The following VPS37D variants were observed in gnomAD, a reference collection of about 807,000 sequenced individuals.
VPS37D encodes vacuolar protein sorting-associated protein 37D.
In VPS37D, 5 loss-of-function variants were observed where a neutral mutation model predicts 22.0. The ratio of observed to expected loss-of-function variants is 0.23; its 90% CI spans 0.12 to 0.48. The LOEUF (loss-of-function observed/expected upper bound fraction) is 0.48. Among genes scored for constraint, VPS37D ranks in the 20% least tolerant of loss-of-function variants. VPS37D has a pLI of 0.99. For synonymous variants in VPS37D, 174 were observed against 159.3 expected (o/e 1.09, Z -0.69); for missense variants, 384 against 345.8 (o/e 1.11, Z -0.88).
intron 2 of VPS37D, 104 bp downstream of exon 2, chr7:73,669,694 G>A (rs1222379164): frequency 1.0e-5 from 14 of 1,406,104 alleles, no homozygotes; most frequent in East Asian, 2.6e-5. Flanking sequence ...GGAGTTGGGC[G>A]GACCTGCTCC....
rs1371779670 is a variant in VPS37D, at chr7:73,671,003, TC to T, written c.394-8del. 2.5e-6 allele frequency: 4 copies of T among 1,610,174 alleles called. No homozygotes were observed. The East Asian group carries it at 9.0e-5, about 36-fold the overall frequency. On this transcript the variant is annotated splice_polypyrimidine_tract_variant and intron_variant, in intron 3 of 3. Transcript: ENST00000324941. The stretch of plus-strand genomic sequence containing the variant: ...TGCCTCTCCCAAGCCTTCCCTTCCC[TC>T]CCGGCCCAGGAGCAGATGGAGCAGC...
In VPS37D at chr7:73,670,208, G is replaced by T. The variant is rs145848752; in HGVS notation, c.393+106G>T. 3.2e-4 allele frequency: 486 copies of T among 1,516,050 alleles called. 1 individual carries two copies. In the East Asian group the frequency reaches 0.011, roughly 35 times the overall value. The allele number at this position is 1,516,050 out of a possible 1,614,324, so 93.9% of individuals were successfully genotyped here. On this transcript the variant is annotated intron_variant, in intron 3 of 3. Coordinates refer to ENST00000324941, the MANE Select transcript of VPS37D (RefSeq NM_001077621.2). ...GGCTGGGGAGCCCCTCCTCTGGGAA[G>T]TCCACCCTGAATGCCTGGCGCATGC... is the stretch of plus-strand genomic sequence containing the variant.
Position 73,669,595 on chromosome 7 carries a change from G to T in VPS37D, c.310+5G>T. On this transcript the variant is annotated splice_donor_5th_base_variant and intron_variant, in intron 2 of 3. Transcript: ENST00000324941. ...CGGACAAGCTGCAGCGACTGGGTGAGGGCACGTCTGGGAGAACCCCCTGGG... is the reference window on the plus strand; with the variant it reads ...CGGACAAGCTGCAGCGACTGGGTGATGGCACGTCTGGGAGAACCCCCTGGG... 1 of 1,583,908 alleles carries T rather than the reference G, an allele frequency of 6.3e-7. No individual in the cohort carries two copies. The highest frequency in any genetic ancestry group is 1.8e-5 in the Admixed American group (1 of 55,924).
upstream of VPS37D, among the ~76,000 whole-genome samples, chr7:73,667,647 C>T (rs1797405277): frequency 6.6e-6 from 1 of 151,820 alleles, no homozygotes; most frequent in East Asian, 1.9e-4. Flanking sequence ...GGTGCTGGGG[C>T]GCAGAGCAGG....
chr7:73,669,953 G>C (rs1042468636), intron 2 of VPS37D, 67 bp from the exon 3 acceptor site: 1 of 1,549,672 alleles, frequency 6.5e-7, no homozygotes, highest in African/African-American at 1.4e-5. Context: ...AATCACATGG[G>C]GTCAGCGGGA....
chr7:73,669,703 C>G (rs1008806556), intron 2 of VPS37D, 113 bp downstream of exon 2: 3 of 1,149,866 alleles, frequency 2.6e-6, no homozygotes, highest in East Asian at 5.4e-5. Flanking sequence ...CGGACCTGCT[C>G]CTGGCTTGCT....
Position 73,669,438 on chromosome 7 carries a change from A to G in VPS37D, c.158A>G (p.Glu53Gly), listed in dbSNP as rs1797454808. The G allele has an allele frequency of 1.9e-6, 3 of 1,566,966 alleles. No individual in the cohort carries two copies. Among genetic ancestry groups the G allele is most frequent in the Non-Finnish European group, 2.6e-6 (3 of 1,156,610 alleles). The change falls in exon 2 of 4, where the codon GAG becomes GGG. Residue 53 changes from glutamate (E) to glycine (G), a missense_variant. Physicochemically the swap from Glu to Gly is moderately conservative, Grantham distance 98. Transcript: ENST00000324941. Reference sequence around the variant, plus strand: ...CCGCAGTTCCAGGGCCTGCAGCTGGAGCGTGAGGCCTGCCTGGCCTCCAAC... The same window carrying G: ...CCGCAGTTCCAGGGCCTGCAGCTGGGGCGTGAGGCCTGCCTGGCCTCCAAC... ...LSRKFQGLQL[E>G]REACLASNYA...
chr7:73,666,400 G>A (rs1797372521), upstream of VPS37D, among the ~76,000 whole-genome samples: 1 of 152,020 alleles, frequency 6.6e-6, no homozygotes, highest in South Asian at 2.1e-4. Flanking sequence ...ATGTGACTTT[G>A]GGGAGGCGAC....
rs1348346949 is a variant in VPS37D, at chr7:73,669,274, C to G, written c.139-145C>G. On this transcript the variant is annotated intron_variant, in intron 1 of 3. Coordinates refer to ENST00000324941, the MANE Select transcript of VPS37D (RefSeq NM_001077621.2). ...TCCCGGCCTGTCATCGTCCCTTCAC[C>G]TGTTGGGTTCACCACCCTGAAGGGG... is the stretch of plus-strand genomic sequence containing the variant. The G allele has an allele frequency of 4.9e-6, 5 of 1,016,362 alleles. No homozygotes were observed. The East Asian group carries it at 1.3e-4, about 27-fold the overall frequency. 63.0% of individuals were successfully genotyped at this position (1,016,362 alleles called of 1,614,324 possible). A position where few individuals can be genotyped will look rare whatever the true frequency, so the allele number is the denominator to read the frequency against.
intron 3 of VPS37D, 88 bp from the exon 4 acceptor site, chr7:73,670,926 G>T: frequency 6.6e-7 from 1 of 1,524,744 alleles, no homozygotes; most frequent in Non-Finnish European, 8.8e-7. Context: ...GATCACCATG[G>T]GGAGGGCCTC....
rs1048962100 is a variant in VPS37D, at chr7:73,670,280, T to G, written c.393+178T>G. ...ACCAGCACTGGACAGCCAGCAGGGC[T>G]CACTTTCCTACCTGTGAATTTTTTT... On this transcript the variant is annotated intron_variant, in intron 3 of 3. Coordinates refer to ENST00000324941, the MANE Select transcript of VPS37D (RefSeq NM_001077621.2). 2.0e-5 allele frequency among the ~76,000 whole-genome samples: 3 copies of G among 152,172 alleles called. No individual in the cohort carries two copies. The East Asian group carries it at 5.8e-4, about 29-fold the overall frequency.
chr7:73,667,139 A>AT (rs1282063563), upstream of VPS37D, among the ~76,000 whole-genome samples: 11 of 150,132 alleles, frequency 7.3e-5, no homozygotes, highest in Middle Eastern at 3.2e-3. Context: ...CGCCCGGCTA[A>AT]TTTTTTTTGT....
chr7:73,670,758 C>T (rs556508803), intron 3 of VPS37D, among the ~76,000 whole-genome samples: 2 of 151,272 alleles, frequency 1.3e-5, no homozygotes, highest in East Asian at 1.9e-4. Flanking sequence ...TGCAGTGAGC[C>T]GAGATTGCGC....
At chr7:73,669,888 G>A (rs1563539818) in intron 2 of VPS37D, 132 bp from the exon 3 acceptor site, 1 of 1,458,872 alleles carries the variant, frequency 6.9e-7, no homozygotes, top group African/African-American at 1.4e-5. Flanking sequence ...CGGTCACATG[G>A]GCACGGTACA....
At chr7:73,665,942 C>T (rs1312203570), upstream of VPS37D, among the ~76,000 whole-genome samples, 1 of 152,120 alleles carries the variant, frequency 6.6e-6, no homozygotes, top group Non-Finnish European at 1.5e-5. Flanking sequence ...CCTCAACCTC[C>T]TGGGCTCAAG....
chr7:73,671,174 C>T lies in VPS37D; in HGVS notation c.554C>T (p.Ser185Leu), dbSNP rs782008465. Residue 185 changes from serine (S) to leucine (L), a missense_variant, in exon 4 of 4, where the codon TCG (serine) becomes TTG (leucine). Coordinates refer to ENST00000324941, the MANE Select transcript of VPS37D (RefSeq NM_001077621.2). ...CGTTCTGCCCAGCCGGCCCCCACCTCGGCTGCTGATCCCCCCAAATCCTTC... is the reference window on the plus strand; with the variant it reads ...CGTTCTGCCCAGCCGGCCCCCACCTTGGCTGCTGATCCCCCCAAATCCTTC... ...RERSAQPAPT[S>L]AADPPKSFPA... 34 of 1,603,966 alleles carry T rather than the reference C, an allele frequency of 2.1e-5. No homozygotes were observed. The highest frequency in any genetic ancestry group is 1.8e-4 in the East Asian group (8 of 44,704).
Position 73,669,501 on chromosome 7 carries a change from G to T in VPS37D, c.221G>T (p.Arg74Leu). Reference protein sequence around the residue: ...LAKENLALRPRLEMGRAALAI... With the variant: ...LAKENLALRPLLEMGRAALAI... ...AAGGAGAACCTGGCCCTGCGGCCCCGCCTGGAGATGGGCCGGGCTGCCCTG... is the reference window on the plus strand; with the variant it reads ...AAGGAGAACCTGGCCCTGCGGCCCCTCCTGGAGATGGGCCGGGCTGCCCTG... The change falls in exon 2 of 4, where the codon CGC becomes CTC. Residue 74 changes from arginine to leucine, a missense_variant. Coordinates refer to ENST00000324941, the MANE Select transcript of VPS37D (RefSeq NM_001077621.2). 6.3e-7 allele frequency: 1 copy of T among 1,581,980 alleles called. No individual in the cohort carries two copies. Among genetic ancestry groups the T allele is most frequent in the Non-Finnish European group, 8.6e-7 (1 of 1,164,412 alleles).
upstream of VPS37D, among the ~76,000 whole-genome samples, chr7:73,666,325 C>T (rs187480582): frequency 1.1e-4 from 16 of 152,284 alleles, no homozygotes; most frequent in East Asian, 1.4e-3. Context: ...CAGCGCAGAG[C>T]GGCATCGTAT....
intron 1 of VPS37D, among the ~76,000 whole-genome samples, chr7:73,668,703 A>G (rs995507268): frequency 4.6e-5 from 7 of 152,034 alleles, no homozygotes; most frequent in African/African-American, 1.7e-4. Context: ...GCATCCCACA[A>G]GGGACAGATG....
Sources: allele counts gnomAD v4.1 joint callset (sites outside exome capture counted in the v4.1 genomes callset), GRCh38; gene constraint gnomAD v4.1.1; transcripts MANE v1.5; gene names NCBI Gene and HGNC (gene_info 2026-07-23, HGNC 2026-07-21).